UNC79: variants seen among roughly 807,000 people sequenced by gnomAD.
UNC79 encodes unc-79 subunit of NALCN channel complex.
A neutral mutation model predicts 283.1 loss-of-function variants in UNC79; 37 were observed. The ratio of observed to expected loss-of-function variants is 0.13; its 90% CI spans 0.10 to 0.17. The LOEUF (loss-of-function observed/expected upper bound fraction) is 0.17. Ranked by LOEUF, UNC79 falls within the 10% of genes least tolerant of loss-of-function variation. The pLI, the probability that UNC79 is intolerant of heterozygous loss-of-function variation, is 1.00. For missense variants in UNC79, 2,272 were observed against 3,211.1 expected, an observed-to-expected ratio of 0.71 and a Z score of 7.07; for synonymous variants, 1,107 against 1,200.2, an observed-to-expected ratio of 0.92 and a Z score of 1.61.
chr14:93,362,213 G>A (rs774458522), intron 1 of UNC79, among the ~76,000 whole-genome samples: 5 of 152,262 alleles, frequency 3.3e-5, no homozygotes, highest in East Asian at 1.9e-4. Context: ...ATGAGTTAGT[G>A]AGGGGTGCTT....
intron 23 of UNC79, among the ~76,000 whole-genome samples, chr14:93,596,142 A>G (rs2065063837): frequency 6.6e-6 from 1 of 152,248 alleles, no homozygotes. Flanking sequence ...AAAATAAAAT[A>G]TGTCATATAA....
rs559365098 is a variant in UNC79 at position 93,578,970 on chromosome 14, A to T, written c.2433+907A>T. Among the ~76,000 whole-genome samples the T allele has an allele frequency of 1.7e-3, 253 of 152,112 alleles. 2 individuals are homozygous for T. Among genetic ancestry groups the T allele is most frequent in the African/African-American group, 5.2e-3 (216 of 41,486 alleles). On this transcript the variant is annotated intron_variant, in intron 18 of 48. Coordinates refer to ENST00000555664, the Ensembl canonical transcript of UNC79. ...TCTTTCATGTCCTTGACTTTTTTTT[A>T]AAATTATTTTTAATTTTTGTGGGTA...
intron 27 of UNC79, among the ~76,000 whole-genome samples, chr14:93,614,338 G>A (rs1201831427): frequency 6.7e-6 from 1 of 148,626 alleles, no homozygotes; most frequent in African/African-American, 2.6e-5. Flanking sequence ...TTTATTTAGA[G>A]ACGGAGTCTC....
chr14:93,662,804 A>T lies in UNC79; in HGVS notation c.6636+90A>T, dbSNP rs181890288. ...ATCAGTGTCAAGTCCCTTTTAGCTC[A>T]GTTGCTTCCATATAGTTAAAAATGA... is the stretch of plus-strand genomic sequence containing the variant. On this transcript the variant is annotated intron_variant, in intron 40 of 48. Coordinates refer to ENST00000555664, the Ensembl canonical transcript of UNC79. 5.5e-5 allele frequency: 52 copies of T among 942,824 alleles called. No individual in the cohort carries two copies. The East Asian group carries it at 1.2e-3, about 23-fold the overall frequency. The allele number at this position is 942,824 out of a possible 1,614,324, so 58.4% of individuals were successfully genotyped here.
chr14:93,457,000 A>G (rs1383648836), intron 1 of UNC79, among the ~76,000 whole-genome samples: 1 of 152,220 alleles, frequency 6.6e-6, no homozygotes, highest in African/African-American at 2.4e-5. Flanking sequence ...GGAAAGTGAT[A>G]CAAGTAGTTC....
intron 20 of UNC79, among the ~76,000 whole-genome samples, chr14:93,584,665 A>T (rs969664492): frequency 1.3e-5 from 2 of 152,146 alleles, no homozygotes; most frequent in African/African-American, 4.8e-5. Context: ...GTAATATTTT[A>T]TTGGAGCAAT....
At chr14:93,504,334 A>C (rs369595036) in intron 7 of UNC79, among the ~76,000 whole-genome samples, 5 of 151,942 alleles carry the variant, frequency 3.3e-5, no homozygotes, top group East Asian at 1.9e-4. Context: ...TAAGTTAAAA[A>C]ATTTGTCAAG....
chr14:93,339,272 G>T (rs1281205183), intron 1 of UNC79, among the ~76,000 whole-genome samples: 4 of 152,074 alleles, frequency 2.6e-5, no homozygotes, highest in Non-Finnish European at 5.9e-5. Flanking sequence ...AGCAGGACTT[G>T]ATCAGCTCTA....
At chr14:93,493,958 C>A (rs1286279074) in intron 5 of UNC79, among the ~76,000 whole-genome samples, 3 of 131,296 alleles carry the variant, frequency 2.3e-5, no homozygotes, top group African/African-American at 8.7e-5. Flanking sequence ...GGCTGGAGTG[C>A]AGTGGCACAA....
intron 1 of UNC79, among the ~76,000 whole-genome samples, chr14:93,432,796 AG>A (rs562679991): frequency 2.5e-4 from 38 of 152,340 alleles, no homozygotes; most frequent in African/African-American, 8.4e-4. Flanking sequence ...TGGTTTTTAA[AG>A]GAAAAAACAC....
chr14:93,432,865 G>T (rs1468361552), intron 1 of UNC79, among the ~76,000 whole-genome samples: 1 of 152,214 alleles, frequency 6.6e-6, no homozygotes, highest in Non-Finnish European at 1.5e-5. Context: ...GCTAAAGCCA[G>T]TGAGTATTAC....
chr14:93,582,613 C>T (rs1381051039), intron 20 of UNC79, among the ~76,000 whole-genome samples: 1 of 152,200 alleles, frequency 6.6e-6, no homozygotes, highest in African/African-American at 2.4e-5. Context: ...GCGAGGTATT[C>T]TCTGTGGACC....
At chr14:93,519,866 C>A (rs1229846025) in intron 7 of UNC79, among the ~76,000 whole-genome samples, 5 of 151,608 alleles carry the variant, frequency 3.3e-5, no homozygotes, top group Non-Finnish European at 7.4e-5. Flanking sequence ...CATCTTACTT[C>A]TATATATATT....
intron 26 of UNC79, 132 bp downstream of exon 26, chr14:93,603,550 G>C (rs2065667449): frequency 1.8e-6 from 2 of 1,122,020 alleles, no homozygotes; most frequent in Admixed American, 2.7e-5. Context: ...TTGGCTTTCA[G>C]ATTCCCTAGA....
intron 1 of UNC79, among the ~76,000 whole-genome samples, chr14:93,381,261 G>A (rs1254643499): frequency 6.6e-6 from 1 of 152,166 alleles, no homozygotes; most frequent in Non-Finnish European, 1.5e-5. Context: ...AAGCCCAGAG[G>A]TATTGTTAGG....
intron 1 of UNC79, among the ~76,000 whole-genome samples, chr14:93,363,143 A>G (rs2054259860): frequency 6.6e-6 from 1 of 152,106 alleles, no homozygotes; most frequent in Non-Finnish European, 1.5e-5. Flanking sequence ...GCTGTGTCCC[A>G]AATATTATAG....
At chr14:93,596,035 G>T (rs118027786) in intron 23 of UNC79, among the ~76,000 whole-genome samples, 2,577 of 152,278 alleles carry the variant, frequency 0.017, 37 homozygotes, top group South Asian at 0.086. Flanking sequence ...AGAGCAGATT[G>T]CTGTCCTCAG....
At chr14:93,598,376 G>C (rs2065234392) in intron 24 of UNC79, among the ~76,000 whole-genome samples, 1 of 150,562 alleles carries the variant, frequency 6.6e-6, no homozygotes, top group African/African-American at 2.5e-5. Flanking sequence ...GTGTGTGTGT[G>C]TGTGTGTGTG....
intron 10 of UNC79, among the ~76,000 whole-genome samples, chr14:93,530,542 G>A (rs2060761507): frequency 6.6e-6 from 1 of 152,128 alleles, no homozygotes; most frequent in African/African-American, 2.4e-5. Flanking sequence ...AGCCCAGGAG[G>A]TTGAGGCTGC....
Sources: allele counts gnomAD v4.1 joint callset (sites outside exome capture counted in the v4.1 genomes callset), GRCh38; gene constraint gnomAD v4.1.1; transcripts MANE v1.5; gene names NCBI Gene and HGNC (gene_info 2026-07-23, HGNC 2026-07-21).